The following FGF10 variants were observed in gnomAD, a reference collection of about 807,000 sequenced individuals.
FGF10 encodes the protein FGF-10.
In FGF10, 2 loss-of-function variants were observed where a neutral mutation model predicts 19.8. That is an observed-to-expected ratio of 0.10 (90% CI 0.04 to 0.32). The LOEUF (loss-of-function observed/expected upper bound fraction) is 0.32. Among genes scored for constraint, FGF10 ranks in the 10% least tolerant of loss-of-function variants. FGF10 has a pLI of 1.00. For synonymous variants in FGF10, 112 were observed against 94.0 expected (o/e 1.19, Z -1.10); for missense variants, 191 against 246.3 (o/e 0.78, Z 1.50).
rs17227927 is a variant in FGF10, at chr5:44,329,376, C to A, written c.326-18846G>T. Among the ~76,000 whole-genome samples, 197 of 152,150 alleles carry A rather than the reference C, an allele frequency of 1.3e-3. 1 individual carries two copies. Among genetic ancestry groups the A allele is most frequent in the African/African-American group, 4.6e-3 (189 of 41,520 alleles). Reference sequence around the variant, plus strand: ...ATTTTTAGTAGACGCGGGGTTTCACCATGTTTGTCAGGCTGGTCTCAAACT... The same window carrying A: ...ATTTTTAGTAGACGCGGGGTTTCACAATGTTTGTCAGGCTGGTCTCAAACT... On this transcript the variant is annotated intron_variant, in intron 1 of 2. Coordinates refer to ENST00000264664, the MANE Select transcript of FGF10 (RefSeq NM_004465.2).
chr5:44,353,725 G>T (rs1741285190), intron 1 of FGF10, among the ~76,000 whole-genome samples: 1 of 151,132 alleles, frequency 6.6e-6, no homozygotes, highest in Non-Finnish European at 1.5e-5. Context: ...CTCCCTATTT[G>T]CTTTAAGATT....
chr5:44,371,839 C>T (rs1741748850), intron 1 of FGF10, among the ~76,000 whole-genome samples: 1 of 152,090 alleles, frequency 6.6e-6, no homozygotes, highest in South Asian at 2.1e-4. Flanking sequence ...TCATTTAATC[C>T]TCATAGACGG....
intron 1 of FGF10, among the ~76,000 whole-genome samples, chr5:44,387,550 T>C (rs891529327): frequency 7.9e-5 from 12 of 152,206 alleles, no homozygotes; most frequent in Non-Finnish European, 1.8e-4. Flanking sequence ...TGTAGTAGTA[T>C]GGCTCTGCAA....
rs1739952786 is a variant in FGF10, at chr5:44,300,886, A to C, written c.*4109T>G. 6.6e-6 allele frequency among the ~76,000 whole-genome samples: 1 copy of C among 152,106 alleles called. No individual in the cohort carries two copies. Among genetic ancestry groups the C allele is most frequent in the Admixed American group, 6.6e-5 (1 of 15,256 alleles). ...TATCCAAACCTGGCCAATAAGAGTT[A>C]TATCTAGGATGTTTACCTTTTTGGA... On this transcript the variant is annotated 3_prime_UTR_variant, in exon 3 of 3. Transcript: ENST00000264664.
chr5:44,304,762 T>C lies in FGF10; in HGVS notation c.*233A>G, dbSNP rs960736657. On this transcript the variant is annotated 3_prime_UTR_variant, in exon 3 of 3. Coordinates refer to ENST00000264664, the MANE Select transcript of FGF10 (RefSeq NM_004465.2). ...CAATGTTTTTCACTTGGGAATAACT[T>C]CTATCCCATTCGATCTGCCTATATC... The C allele has an allele frequency of 7.7e-6, 4 of 518,040 alleles. No homozygotes were observed. Among genetic ancestry groups the C allele is most frequent in the Non-Finnish European group, 1.4e-5 (4 of 286,572 alleles). The allele number at this position is 518,040 out of a possible 1,614,324, so 32.1% of individuals were successfully genotyped here.
intron 1 of FGF10, among the ~76,000 whole-genome samples, chr5:44,383,821 A>G (rs1337249599): frequency 7.2e-5 from 11 of 152,078 alleles, no homozygotes; most frequent in Non-Finnish European, 2.9e-5. Flanking sequence ...CACAACTGAA[A>G]TAAGATACCA....
intron 1 of FGF10, among the ~76,000 whole-genome samples, chr5:44,320,052 G>A (rs1471793816): frequency 1.3e-5 from 2 of 152,138 alleles, no homozygotes; most frequent in African/African-American, 4.8e-5. Context: ...GAACACTATT[G>A]TGAACTGCAT....
chr5:44,370,184 C>T (rs1281539903), intron 1 of FGF10, among the ~76,000 whole-genome samples: 1 of 152,060 alleles, frequency 6.6e-6, no homozygotes, highest in Non-Finnish European at 1.5e-5. Context: ...ATCTGGCTTT[C>T]CTCTCCTTCT....
At position 44,388,998 on chromosome 5, in the gene FGF10, A is replaced by C. The variant is rs1579952551; in HGVS notation, c.-316T>G. 6 of 499,326 alleles carry C rather than the reference A, an allele frequency of 1.2e-5. No homozygotes were observed. Among genetic ancestry groups the C allele is most frequent in the South Asian group, 8.3e-5 (4 of 47,990 alleles). 30.9% of individuals were successfully genotyped at this position (499,326 alleles called of 1,614,324 possible). On this transcript the variant is annotated 5_prime_UTR_variant, in exon 1 of 3. Transcript: ENST00000264664. Reference sequence around the variant, plus strand: ...GGTCACCAGCGCTCTTCGCTCCCCCAGGAGTTACTTTGTTCTCTTCTTTAC... The same window carrying C: ...GGTCACCAGCGCTCTTCGCTCCCCCCGGAGTTACTTTGTTCTCTTCTTTAC...
rs1332768200 is a variant in FGF10, at chr5:44,305,081, T to C, written c.541A>G (p.Asn181Asp). 1 of 1,614,032 alleles carries C rather than the reference T, an allele frequency of 6.2e-7. No individual in the cohort carries two copies. Among genetic ancestry groups the C allele is most frequent in the Admixed American group, 1.7e-5 (1 of 60,016 alleles). ...HNGRQMYVAL[N>D]GKGAPRRGQK... ...CCTCTCCTTGGAGCTCCTTTTCCAT[T>C]CAATGCCACATACATTTGCCTCCCA... Residue 181 changes from asparagine to aspartate, a missense_variant, in exon 3 of 3, where the codon AAT becomes GAT. Coordinates refer to ENST00000264664, the MANE Select transcript of FGF10 (RefSeq NM_004465.2).
chr5:44,386,342 A>C (rs757271670), intron 1 of FGF10, among the ~76,000 whole-genome samples: 11 of 152,278 alleles, frequency 7.2e-5, no homozygotes, highest in South Asian at 4.1e-4. Context: ...TTTTAAAAAG[A>C]AAAATGTTTG....
At chr5:44,349,225 G>C in intron 1 of FGF10, among the ~76,000 whole-genome samples, 1 of 150,080 alleles carries the variant, frequency 6.7e-6, no homozygotes, top group Non-Finnish European at 1.5e-5. Context: ...GCCTCATTCT[G>C]TTTTGTTTCA....
chr5:44,359,553 T>A (rs1211586143), intron 1 of FGF10, among the ~76,000 whole-genome samples: 1 of 151,458 alleles, frequency 6.6e-6, no homozygotes, highest in East Asian at 2.0e-4. Flanking sequence ...TCTAATAGAC[T>A]GGGCTAAAGT....
At chr5:44,370,908 A>T (rs1013458073) in intron 1 of FGF10, among the ~76,000 whole-genome samples, 1 of 152,164 alleles carries the variant, frequency 6.6e-6, no homozygotes, top group Non-Finnish European at 1.5e-5. Flanking sequence ...GGAAATCTAC[A>T]CATAGTGAGA....
intron 1 of FGF10, among the ~76,000 whole-genome samples, chr5:44,338,101 T>C (rs1385354712): frequency 6.6e-6 from 1 of 152,180 alleles, no homozygotes; most frequent in Non-Finnish European, 1.5e-5. Context: ...AGGTTAAAAA[T>C]AGCATTAATG....
chr5:44,382,765 A>C (rs1247184487), intron 1 of FGF10, among the ~76,000 whole-genome samples: 1 of 152,144 alleles, frequency 6.6e-6, no homozygotes, highest in African/African-American at 2.4e-5. Flanking sequence ...ACTGTATTAA[A>C]ATTACATAAA....
chr5:44,388,509 G>A lies in FGF10; in HGVS notation c.174C>T (p.Ser58=), dbSNP rs772647537. The change falls in exon 1 of 3, where the codon TCC becomes TCT. Residue 58 remains serine (S), a synonymous_variant. Transcript: ENST00000264664. ...EATNSSSSSF[S]SPSSAGRHVR... is the part of the protein sequence containing the mutation. ...CATGCCTTCCCGCGCTGGAAGGAGA[G>A]GAGAAGGAGGAGGAAGAAGAGTTGG... The A allele has an allele frequency of 2.5e-6, 4 of 1,614,012 alleles. No homozygotes were observed. The African/African-American group carries it at 5.3e-5, about 22-fold the overall frequency.
At chr5:44,351,163 C>T (rs1467427057) in intron 1 of FGF10, among the ~76,000 whole-genome samples, 1 of 151,420 alleles carries the variant, frequency 6.6e-6, no homozygotes, top group Non-Finnish European at 1.5e-5. Context: ...GAAGAAGATG[C>T]TAATCTATGG....
At chr5:44,340,925 A>T (rs1376333803) in intron 1 of FGF10, among the ~76,000 whole-genome samples, 1 of 151,904 alleles carries the variant, frequency 6.6e-6, no homozygotes, top group Non-Finnish European at 1.5e-5. Flanking sequence ...AGAAAGAAAA[A>T]CCATGTCCAT....
Sources: allele counts gnomAD v4.1 joint callset (sites outside exome capture counted in the v4.1 genomes callset), GRCh38; gene constraint gnomAD v4.1.1; transcripts MANE v1.5; gene names NCBI Gene and HGNC (gene_info 2026-07-23, HGNC 2026-07-21).